CD4: variants seen among roughly 807,000 people sequenced by gnomAD.
CD4 encodes CD4 molecule, also known as T-cell surface glycoprotein CD4.
Under a neutral mutation model 50.5 loss-of-function variants are expected in CD4, and 25 were observed. The ratio of observed to expected loss-of-function variants is 0.49; its 90% CI spans 0.36 to 0.69. CD4 has a LOEUF of 0.69. Among genes scored for constraint, CD4 ranks in the 30% least tolerant of loss-of-function variants. CD4 has a pLI of 0.00. For missense variants in CD4, 456 were observed against 548.5 expected (o/e 0.83, Z 1.68); for synonymous variants, 207 against 221.9 (o/e 0.93, Z 0.60).
At chr12:6,815,793 G>A in intron 5 of CD4, 4 of 1,445,920 alleles carry the variant, frequency 2.8e-6, no homozygotes, top group South Asian at 2.4e-5. Flanking sequence ...GAATCCTAAG[G>A]ACAGCAAGGA....
chr12:6,808,494 C>CT (rs1186951804), intron 3 of CD4, among the ~76,000 whole-genome samples: 3 of 129,048 alleles, frequency 2.3e-5, no homozygotes, highest in South Asian at 2.4e-4. Context: ...TGAAGTTTAC[C>CT]TTTTTTTTTA....
chr12:6,801,290 G>A (rs1942537546), intron 3 of CD4, among the ~76,000 whole-genome samples: 1 of 150,822 alleles, frequency 6.6e-6, no homozygotes, highest in Non-Finnish European at 1.5e-5. Context: ...TTTGAGGTGG[G>A]CAGATCACCG....
chr12:6,819,621 C>T lies in CD4; in HGVS notation c.*292C>T. 4.3e-6 allele frequency: 2 copies of T among 469,352 alleles called. No individual in the cohort carries two copies. The highest frequency in any genetic ancestry group is 7.8e-6 in the Non-Finnish European group (2 of 257,432). 29.1% of individuals were successfully genotyped at this position (469,352 alleles called of 1,614,324 possible). On this transcript the variant is annotated 3_prime_UTR_variant, in exon 10 of 10. Coordinates refer to ENST00000011653, the MANE Select transcript of CD4 (RefSeq NM_000616.5). ...CTCTCCCCACTGCTCATTTGGATCC[C>T]AGGGGAGTGTTCAGGGCCAGCCCTG...
chr12:6,813,959 T>G, intron 3 of CD4, 183 bp from the exon 4 acceptor site: 1 of 592,530 alleles, frequency 1.7e-6, no homozygotes. Flanking sequence ...TGAGCTACTG[T>G]CCCAGCCAGG....
chr12:6,814,572 A>T, intron 4 of CD4, 187 bp from the exon 5 acceptor site: 1 of 690,736 alleles, frequency 1.4e-6, no homozygotes. Flanking sequence ...GGATGAGGGG[A>T]GAGGAGGAAA....
At chr12:6,815,014 G>T in intron 5 of CD4, 22 bp downstream of exon 5, 1 of 1,523,846 alleles carries the variant, frequency 6.6e-7, no homozygotes. Flanking sequence ...CCCTCTTCGC[G>T]CAGTCTCCTC....
chr12:6,794,779 TTTTTTTG>T lies in CD4; in HGVS notation c.-68+5124_-68+5130del, dbSNP rs1168332609. Among the ~76,000 whole-genome samples the T allele has an allele frequency of 9.6e-4, 127 of 132,840 alleles. 4 individuals carry two copies. Among genetic ancestry groups the T allele is most frequent in the African/African-American group, 2.8e-3 (98 of 35,014 alleles). The allele number at this position is 132,840 out of a possible 152,430, so 87.1% of individuals were successfully genotyped here. A position where few individuals can be genotyped will look rare whatever the true frequency, so the allele number is the denominator to read the frequency against. Reference sequence around the variant, plus strand: ...AATCTATCTGTCTGTATGTCTGTTTTTTTTTTGTTTTTTTTTTTTTTTTGAGATAGAG... The same window carrying T: ...AATCTATCTGTCTGTATGTCTGTTTTTTTTTTTTTTTTTTTTGAGATAGAG... On this transcript the variant is annotated intron_variant, in intron 1 of 9. Transcript: ENST00000011653.
intron 1 of CD4, chr12:6,799,477 C>T (rs527975862): frequency 6.6e-6 from 1 of 152,640 alleles, no homozygotes; most frequent in South Asian, 2.1e-4. Context: ...TAGCTAATTA[C>T]TATACGGGGT....
At position 6,809,622 on chromosome 12, in the gene CD4, T is replaced by C. The variant is rs1340733083; in HGVS notation, c.215-4520T>C. ...GCTTCCAGGTAATTTGGTCTGCTAC[T>C]AGTCTCGCCTACTTGGATTTCCCTT... On this transcript the variant is annotated intron_variant, in intron 3 of 9. Coordinates refer to ENST00000011653, the MANE Select transcript of CD4 (RefSeq NM_000616.5). 3.3e-5 allele frequency among the ~76,000 whole-genome samples: 5 copies of C among 152,202 alleles called. No homozygotes were observed. The East Asian group carries it at 9.6e-4, about 29-fold the overall frequency.
At chr12:6,795,189 T>C (rs1285190294) in intron 1 of CD4, among the ~76,000 whole-genome samples, 3 of 152,190 alleles carry the variant, frequency 2.0e-5, no homozygotes, top group Non-Finnish European at 2.9e-5. Flanking sequence ...ATTCATCATC[T>C]ATCTAATCTG....
intron 3 of CD4, among the ~76,000 whole-genome samples, chr12:6,803,320 T>C (rs1942620570): frequency 6.6e-6 from 1 of 151,850 alleles, no homozygotes; most frequent in African/African-American, 2.4e-5. Context: ...CTGGCTAATT[T>C]TTGCATTTTT....
chr12:6,799,021 T>G (rs1396360907), intron 1 of CD4: 1 of 152,312 alleles, frequency 6.6e-6, no homozygotes, highest in Admixed American at 6.6e-5. Flanking sequence ...TCTGATCCCC[T>G]CCTCACTCAT....
At chr12:6,815,956 G>T (rs1555117835) in intron 5 of CD4, 100 bp from the exon 6 acceptor site, 1 of 1,559,802 alleles carries the variant, frequency 6.4e-7, no homozygotes, top group Non-Finnish European at 8.7e-7. Flanking sequence ...GGACTCGTCG[G>T]GTCCCCTTCC....
At chr12:6,813,220 A>AT (rs58979580) in intron 3 of CD4, among the ~76,000 whole-genome samples, 15,394 of 135,942 alleles carry the variant, frequency 0.11, 989 homozygotes, top group East Asian at 0.29. Flanking sequence ...ATTAAAAAAA[A>AT]TTTTTTTTTT....
In CD4 at chr12:6,814,182, C is replaced by A. The variant is rs782612119; in HGVS notation, c.255C>A (p.Ser85Arg). ...ATGATCGCGCTGACTCAAGAAGAAG[C>A]CTTTGGGACCAAGGAAACTTTCCCC... ...KLNDRADSRR[S>R]LWDQGNFPLI... The change falls in exon 4 of 10, where the codon AGC becomes AGA. Residue 85 changes from serine (S) to arginine (R), a missense_variant. By Grantham distance (110) the Ser-to-Arg change is moderately radical (BLOSUM62 -1). Coordinates refer to ENST00000011653, the MANE Select transcript of CD4 (RefSeq NM_000616.5). 10 of 1,614,090 alleles carry A rather than the reference C, an allele frequency of 6.2e-6. No homozygotes were observed. Among genetic ancestry groups the A allele is most frequent in the South Asian group, 1.1e-5 (1 of 91,082 alleles).
intron 3 of CD4, among the ~76,000 whole-genome samples, chr12:6,812,440 G>T (rs1028020861): frequency 4.4e-4 from 67 of 152,206 alleles, no homozygotes; most frequent in African/African-American, 1.6e-3. Context: ...AGCACTTCGG[G>T]AGGCCAAGGC....
At position 6,818,330 on chromosome 12, in the gene CD4, A is replaced by G; in HGVS notation, c.1157-91A>G. The G allele has an allele frequency of 6.5e-7, 1 of 1,532,956 alleles. No individual in the cohort carries two copies. Among genetic ancestry groups the G allele is most frequent in the Non-Finnish European group, 8.9e-7 (1 of 1,127,418 alleles). 95.0% of individuals were successfully genotyped at this position (1,532,956 alleles called of 1,614,324 possible). A position where few individuals can be genotyped will look rare whatever the true frequency, so the allele number is the denominator to read the frequency against. ...TCTCCCCCAACCCCAGGGTCAAACC[A>G]GAGACTGGCCAGGAGGGATTGCAGG... is the stretch of plus-strand genomic sequence containing the variant. On this transcript the variant is annotated intron_variant, in intron 7 of 9. Transcript: ENST00000011653. The surrounding 1 kb of genome is among the most constrained non-coding windows in gnomAD (Gnocchi z 5.0).
chr12:6,805,995 C>T (rs1475869682), intron 3 of CD4, among the ~76,000 whole-genome samples: 1 of 151,686 alleles, frequency 6.6e-6, no homozygotes, highest in East Asian at 1.9e-4. Context: ...TCTGCAAAAT[C>T]CCTATTAAGA....
In CD4 at chr12:6,818,168, CAT is replaced by C. The variant is rs1392410995; in HGVS notation, c.1157-252_1157-251del. ...GCACACACTCACACATGCACACACA[CAT>C]GCACTCACACACACAGCCCAGGAGC... On this transcript the variant is annotated intron_variant, in intron 7 of 9. Coordinates refer to ENST00000011653, the MANE Select transcript of CD4 (RefSeq NM_000616.5). The surrounding 1 kb of genome is among the most constrained non-coding windows in gnomAD (Gnocchi z 5.0). Among the ~76,000 whole-genome samples, 3 of 152,186 alleles carry C rather than the reference CAT, an allele frequency of 2.0e-5. No homozygotes were observed. Among genetic ancestry groups the C allele is most frequent in the Non-Finnish European group, 2.9e-5 (2 of 68,018 alleles).
Sources: allele counts gnomAD v4.1 joint callset (sites outside exome capture counted in the v4.1 genomes callset), GRCh38; gene constraint gnomAD v4.1.1; non-coding constraint Gnocchi (gnomAD v3.1); transcripts MANE v1.5; gene names NCBI Gene and HGNC (gene_info 2026-07-23, HGNC 2026-07-21).